PHF24: variants seen among roughly 807,000 people sequenced by gnomAD.
PHF24 encodes the protein Galpha inhibitory interacting protein.
Under a neutral mutation model 42.6 loss-of-function variants are expected in PHF24, and 25 were observed. The ratio of observed to expected loss-of-function variants is 0.59; its 90% CI spans 0.43 to 0.82. PHF24 has a LOEUF of 0.82. Ranked by LOEUF, PHF24 falls within the 40% of genes least tolerant of loss-of-function variation. The pLI, the probability that PHF24 is intolerant of heterozygous loss-of-function variation, is 0.00. For missense variants in PHF24, 470 were observed against 538.1 expected (o/e 0.87, Z 1.25); for synonymous variants, 185 against 204.8 (o/e 0.90, Z 0.83).
the PHF24 span, chr9:34,833,970 G>A: frequency 1.2e-5 from 18 of 1,544,910 alleles, no homozygotes; most frequent in African/African-American, 5.6e-5. Context: ...TGCTTGTGCC[G>A]TAAAGTTGTC....
the PHF24 span, among the ~76,000 whole-genome samples, chr9:34,865,680 G>C: frequency 6.6e-6 from 1 of 152,306 alleles, no homozygotes; most frequent in Admixed American, 6.5e-5. Flanking sequence ...TAGCTTAACT[G>C]GGTCCTCTGC....
chr9:34,798,680 G>A, the PHF24 span, among the ~76,000 whole-genome samples: 136,696 of 152,214 alleles, frequency 0.9, 62,435 homozygotes, highest in Non-Finnish European at 0.99. Context: ...GAACATGCAA[G>A]TGCAGGTGTC....
At chr9:34,727,681 A>G in the PHF24 span, among the ~76,000 whole-genome samples, 1 of 152,228 alleles carries the variant, frequency 6.6e-6, no homozygotes, top group Non-Finnish European at 1.5e-5. Flanking sequence ...AGAATAAGAC[A>G]AGGATGACTT....
At chr9:34,973,539 C>G (rs1827080857) in intron 3 of PHF24, among the ~76,000 whole-genome samples, 1 of 152,220 alleles carries the variant, frequency 6.6e-6, no homozygotes, top group African/African-American at 2.4e-5. Context: ...CCTTATTGAT[C>G]TGTTGTCCTG....
chr9:34,712,529 A>G, the PHF24 span, among the ~76,000 whole-genome samples: 2 of 151,816 alleles, frequency 1.3e-5, no homozygotes, highest in African/African-American at 4.8e-5. Context: ...TTTTCTGCTT[A>G]AATTAGTTGT....
chr9:34,904,797 TGCTTGTTAGTGGCCTGTTCAG>T, the PHF24 span, among the ~76,000 whole-genome samples: 57 of 120,792 alleles, frequency 4.7e-4, no homozygotes, highest in Non-Finnish European at 6.2e-4. Flanking sequence ...TCAAAAGGAT[TGCTTGTTAGTGGCCTGTTCAG>T]GGTACCTAAT....
chr9:34,977,764 C>T lies in PHF24; in HGVS notation c.1106+123C>T, dbSNP rs1695518536. On this transcript the variant is annotated intron_variant, in intron 7 of 7. Transcript: ENST00000242315. The stretch of plus-strand genomic sequence containing the variant: ...AAGCGCCCACCCAAGAAACCAGGCT[C>T]CAAGAGTGCACATTTGACCCAAGTC... The T allele has an allele frequency of 4.6e-6, 4 of 872,778 alleles. No homozygotes were observed. The South Asian group carries it at 6.3e-5, about 14-fold the overall frequency. The allele number at this position is 872,778 out of a possible 1,614,324, so 54.1% of individuals were successfully genotyped here.
chr9:34,680,609 A>C, the PHF24 span, among the ~76,000 whole-genome samples: 1 of 146,222 alleles, frequency 6.8e-6, no homozygotes, highest in East Asian at 2.0e-4. Context: ...AATGGCGTGA[A>C]CCCGGGAGGC....
chr9:34,780,959 A>G, the PHF24 span, among the ~76,000 whole-genome samples: 4 of 152,220 alleles, frequency 2.6e-5, no homozygotes, highest in African/African-American at 9.6e-5. Context: ...GAATGTCTAT[A>G]ATAAAACAAC....
the PHF24 span, chr9:34,917,631 G>C: frequency 1.3e-6 from 1 of 776,796 alleles, no homozygotes; most frequent in Non-Finnish European, 2.4e-6. Flanking sequence ...TGGCCTTCCA[G>C]TGGCTTCCCG....
At chr9:34,738,429 C>G in the PHF24 span, among the ~76,000 whole-genome samples, 1 of 152,094 alleles carries the variant, frequency 6.6e-6, no homozygotes, top group South Asian at 2.1e-4. Context: ...CGGCTCACTG[C>G]AATCTCTGCC....
the PHF24 span, among the ~76,000 whole-genome samples, chr9:34,925,308 T>G: frequency 2.0e-5 from 3 of 152,224 alleles, no homozygotes; most frequent in Non-Finnish European, 4.4e-5. Context: ...TTTTTACAAT[T>G]TGACTATAAT....
the PHF24 span, among the ~76,000 whole-genome samples, chr9:34,941,565 A>G: frequency 1.3e-5 from 2 of 152,192 alleles, no homozygotes; most frequent in Non-Finnish European, 2.9e-5. Context: ...TCAGGCTGCT[A>G]TAGCAAAATA....
the PHF24 span, among the ~76,000 whole-genome samples, chr9:34,913,226 AGT>A: frequency 6.6e-6 from 1 of 152,204 alleles, no homozygotes; most frequent in Non-Finnish European, 1.5e-5. Flanking sequence ...AATTCACGTC[AGT>A]GGAATTCCAG....
At chr9:34,790,994 G>C in the PHF24 span, among the ~76,000 whole-genome samples, 1 of 152,184 alleles carries the variant, frequency 6.6e-6, no homozygotes, top group African/African-American at 2.4e-5. Flanking sequence ...GATAATGTAG[G>C]GGCTTGTAGG....
the PHF24 span, among the ~76,000 whole-genome samples, chr9:34,670,225 C>T: frequency 6.6e-6 from 1 of 152,196 alleles, no homozygotes; most frequent in African/African-American, 2.4e-5. Context: ...AAACACAGCA[C>T]TTTCCTGAGT....
chr9:34,731,947 C>T, the PHF24 span, among the ~76,000 whole-genome samples: 1 of 151,802 alleles, frequency 6.6e-6, no homozygotes. Context: ...ACCTCCTGGA[C>T]TCAAGCAATC....
chr9:34,877,897 G>C, the PHF24 span, among the ~76,000 whole-genome samples: 29,579 of 151,804 alleles, frequency 0.19, 3,051 homozygotes, highest in South Asian at 0.29. Context: ...CTGACAGACC[G>C]TGATGTGTGC....
the PHF24 span, among the ~76,000 whole-genome samples, chr9:34,670,199 C>A: frequency 6.6e-6 from 1 of 152,106 alleles, no homozygotes; most frequent in Non-Finnish European, 1.5e-5. Flanking sequence ...TGATTTATAC[C>A]CTTAATAAAC....
Sources: allele counts gnomAD v4.1 joint callset (sites outside exome capture counted in the v4.1 genomes callset), GRCh38; gene constraint gnomAD v4.1.1; transcripts MANE v1.5; gene names NCBI Gene and HGNC (gene_info 2026-07-23, HGNC 2026-07-21).